Variants in ACVR1 observed in about 807,000 individuals in gnomAD.
ACVR1 encodes activin A receptor type 1.
ACVR1 carries 38 observed loss-of-function variants against 57.1 expected under a neutral mutation model. The ratio of observed to expected loss-of-function variants is 0.67; its 90% CI spans 0.51 to 0.87. The LOEUF (loss-of-function observed/expected upper bound fraction) is 0.87, where lower values mean the gene tolerates loss of function less well. ACVR1 is among the 40% of genes least tolerant of loss of function. The pLI is 0.00. For synonymous variants in ACVR1, 212 were observed against 228.1 expected, an observed-to-expected ratio of 0.93 and a Z score of 0.63; for missense variants, 463 against 638.2, an observed-to-expected ratio of 0.73 and a Z score of 2.96.
chr2:157,812,577 A>G (rs1687787570), intron 2 of ACVR1, among the ~76,000 whole-genome samples: 1 of 152,230 alleles, frequency 6.6e-6, no homozygotes, highest in South Asian at 2.1e-4. Context: ...GGTAAAAAGG[A>G]AAGGACAAAA....
At chr2:157,834,882 T>C (rs1688724556) in intron 1 of ACVR1, among the ~76,000 whole-genome samples, 1 of 152,108 alleles carries the variant, frequency 6.6e-6, no homozygotes, top group African/African-American at 2.4e-5. Flanking sequence ...CCCAGATAGC[T>C]ACCTTATCCC....
chr2:157,786,757 G>A (rs1042855972), intron 3 of ACVR1, among the ~76,000 whole-genome samples: 2 of 152,140 alleles, frequency 1.3e-5, no homozygotes, highest in Non-Finnish European at 2.9e-5. Context: ...TCTGGGCTAT[G>A]GTGATTAGAA....
rs914999358 is a variant in ACVR1 at position 157,737,378 on chromosome 2, A to G, written c.*153T>C. The G allele has an allele frequency of 1.4e-5, 14 of 1,017,438 alleles. No individual in the cohort carries two copies. The highest frequency in any genetic ancestry group is 7.8e-5 in the East Asian group (3 of 38,442). 63.0% of individuals were successfully genotyped at this position (1,017,438 alleles called of 1,614,324 possible). ...TTAGGGTGGTTTTGATGTCTCCCCA[A>G]CACATGGCTGGGTACGACGTCTGCC... On this transcript the variant is annotated 3_prime_UTR_variant, in exon 11 of 11. Coordinates refer to ENST00000434821, the MANE Select transcript of ACVR1 (RefSeq NM_001111067.4).
At chr2:157,822,667 G>C (rs1431113484) in intron 1 of ACVR1, among the ~76,000 whole-genome samples, 3 of 152,338 alleles carry the variant, frequency 2.0e-5, no homozygotes, top group East Asian at 1.9e-4. Flanking sequence ...TGTTATGCCA[G>C]TAGCGGGCAA....
intron 2 of ACVR1, among the ~76,000 whole-genome samples, chr2:157,813,140 A>G (rs1227454115): frequency 2.0e-5 from 3 of 152,158 alleles, no homozygotes; most frequent in Non-Finnish European, 4.4e-5. Flanking sequence ...CACACAAGTA[A>G]TAAAATTCTG....
intron 1 of ACVR1, among the ~76,000 whole-genome samples, chr2:157,866,312 A>C (rs1336435109): frequency 6.6e-6 from 1 of 152,180 alleles, no homozygotes; most frequent in Non-Finnish European, 1.5e-5. Flanking sequence ...TGGGCTTAGA[A>C]TGTCCTAAAA....
intron 9 of ACVR1, among the ~76,000 whole-genome samples, chr2:157,741,316 C>G (rs950226558): frequency 2.0e-5 from 3 of 151,950 alleles, no homozygotes; most frequent in Non-Finnish European, 4.4e-5. Context: ...TGGGTGTGCC[C>G]GAGGCTGTGC....
chr2:157,738,487 C>T lies in ACVR1; in HGVS notation c.1348G>A (p.Val450Met), dbSNP rs2105216859. The T allele has an allele frequency of 6.2e-7, 1 of 1,614,140 alleles. No individual in the cohort carries two copies. The highest frequency in any genetic ancestry group is 2.2e-5 in the East Asian group (1 of 44,876). The part of the protein sequence containing the change: ...SFEDMRKVVC[V>M]DQQRPNIPNR... ...GGTATGTTTGGCCTTTGTTGATCCA[C>T]ACAGACTACCTTCCTCATATCTTCA... The change falls in exon 10 of 11, where the codon GTG (valine) becomes ATG (methionine). Residue 450 changes from valine to methionine, a missense_variant. Physicochemically the swap from Val to Met is conservative, Grantham distance 21. Around this residue, in one of 3 missense-constraint regions of ACVR1, gnomAD observed 146 missense variants for 186.6 expected, o/e 0.78. Transcript: ENST00000434821.
At chr2:157,757,043 T>TAA (rs57243423) in intron 9 of ACVR1, among the ~76,000 whole-genome samples, 2 of 137,252 alleles carry the variant, frequency 1.5e-5, no homozygotes, top group South Asian at 2.2e-4. Context: ...TATATATATA[T>TAA]AAAATAGAAT....
chr2:157,759,768 G>A (rs1215160943), intron 9 of ACVR1, among the ~76,000 whole-genome samples: 1 of 152,022 alleles, frequency 6.6e-6, no homozygotes, highest in Admixed American at 6.5e-5. Context: ...TTTATTCTTG[G>A]GATGCAAGGA....
chr2:157,838,833 C>G (rs767163456), intron 1 of ACVR1, among the ~76,000 whole-genome samples: 5 of 152,126 alleles, frequency 3.3e-5, no homozygotes, highest in Non-Finnish European at 5.9e-5. Context: ...CATAAGGTCT[C>G]CAATCCTGGT....
chr2:157,787,286 T>C (rs1259177398), intron 3 of ACVR1, among the ~76,000 whole-genome samples: 1 of 152,214 alleles, frequency 6.6e-6, no homozygotes, highest in Non-Finnish European at 1.5e-5. Flanking sequence ...AAATACAGCA[T>C]ATTAAGGAGT....
chr2:157,786,904 C>T (rs1686732696), intron 3 of ACVR1, among the ~76,000 whole-genome samples: 1 of 152,132 alleles, frequency 6.6e-6, no homozygotes, highest in African/African-American at 2.4e-5. Context: ...TATTTTATCC[C>T]TATCGGTGAA....
intron 1 of ACVR1, among the ~76,000 whole-genome samples, chr2:157,845,230 T>C (rs1382254360): frequency 6.6e-6 from 1 of 152,240 alleles, no homozygotes; most frequent in African/African-American, 2.4e-5. Context: ...AATCAATTTG[T>C]CTGCGTTCTA....
At chr2:157,751,696 C>A (rs1326075208) in intron 9 of ACVR1, among the ~76,000 whole-genome samples, 1 of 151,836 alleles carries the variant, frequency 6.6e-6, no homozygotes, top group Admixed American at 6.5e-5. Flanking sequence ...TCCCCTACTT[C>A]CCTGACAACA....
intron 9 of ACVR1, among the ~76,000 whole-genome samples, chr2:157,741,065 T>G (rs1684738290): frequency 6.6e-6 from 1 of 152,228 alleles, no homozygotes; most frequent in African/African-American, 2.4e-5. Flanking sequence ...TATTAAATGC[T>G]GAGAGTGATA....
At position 157,738,449 on chromosome 2, in the gene ACVR1, G is replaced by A. The variant is rs1559028358; in HGVS notation, c.1386C>T (p.Phe462=). The A allele has an allele frequency of 1.2e-6, 2 of 1,614,118 alleles. No individual in the cohort carries two copies. Among genetic ancestry groups the A allele is most frequent in the Non-Finnish European group, 1.7e-6 (2 of 1,179,962 alleles). Reference sequence around the variant, plus strand: ...AAACTGGCATTCTTACCGGGTCTGAGAACCATCTGTTGGGTATGTTTGGCC... The same window carrying A: ...AAACTGGCATTCTTACCGGGTCTGAAAACCATCTGTTGGGTATGTTTGGCC... ...QQRPNIPNRW[F]SDPTLTSLAK... is the part of the protein sequence containing the mutation. The change falls in exon 10 of 11, where the codon TTC becomes TTT. Residue 462 remains phenylalanine, a synonymous_variant. Coordinates refer to ENST00000434821, the MANE Select transcript of ACVR1 (RefSeq NM_001111067.4).
At chr2:157,742,241 G>A (rs954356499) in intron 9 of ACVR1, among the ~76,000 whole-genome samples, 2 of 152,224 alleles carry the variant, frequency 1.3e-5, no homozygotes, top group African/African-American at 4.8e-5. Context: ...CAGCACCCAA[G>A]AAGTTACTGC....
intron 9 of ACVR1, among the ~76,000 whole-genome samples, chr2:157,752,947 T>C (rs1192731081): frequency 1.3e-5 from 2 of 152,178 alleles, no homozygotes; most frequent in African/African-American, 2.4e-5. Context: ...TGAATAGGAA[T>C]AGCATCTCAT....
Sources: gnomAD v4.1 joint callset for allele counts (sites outside exome capture counted in the v4.1 genomes callset) on GRCh38, gnomAD v4.1.1 for gene constraint, gnomAD v4.1.1 regional missense constraint, MANE v1.5 for transcripts, NCBI Gene and HGNC (gene_info 2026-07-23, HGNC 2026-07-21) for gene names.